The following LIFR variants were observed in gnomAD, a reference collection of about 807,000 sequenced individuals.
LIFR encodes LIF receptor subunit alpha.
In LIFR, 84 loss-of-function variants were observed where a neutral mutation model predicts 122.2. That is an observed-to-expected ratio of 0.69 (90% CI 0.58 to 0.82). The LOEUF (loss-of-function observed/expected upper bound fraction) is 0.82. Among genes scored for constraint, LIFR ranks in the 40% least tolerant of loss-of-function variants. The pLI, the probability that LIFR is intolerant of heterozygous loss-of-function variation, is 0.00. For missense variants in LIFR, 1,294 were observed against 1,311.6 expected, an observed-to-expected ratio of 0.99 and a Z score of 0.21; for synonymous variants, 422 against 434.7, an observed-to-expected ratio of 0.97 and a Z score of 0.36.
intron 6 of LIFR, among the ~76,000 whole-genome samples, chr5:38,511,087 C>A (rs899948523): frequency 6.6e-6 from 1 of 152,114 alleles, no homozygotes; most frequent in Non-Finnish European, 1.5e-5. Flanking sequence ...ACAATCCACA[C>A]CCCCCAAAAA....
In LIFR at chr5:38,506,529, A is replaced by C; in HGVS notation, c.1095T>G (p.Arg365=). 6.2e-7 allele frequency: 1 copy of C among 1,614,088 alleles called. No homozygotes were observed. Among genetic ancestry groups the C allele is most frequent in the Non-Finnish European group, 8.5e-7 (1 of 1,179,978 alleles). Residue 365 remains arginine (R), a synonymous_variant, in exon 8 of 20, where the codon CGT becomes CGG. Transcript: ENST00000453190. ...TTTCAACTAAAGTGTAGCTTGTAGCACGTGGGCCCACCAACGCTGTCACCC... is the reference window on the plus strand; with the variant it reads ...TTTCAACTAAAGTGTAGCTTGTAGCCCGTGGGCCCACCAACGCTGTCACCC... ...PGRVTALVGP[R]ATSYTLVESF... is the part of the protein sequence containing the mutation.
intron 1 of LIFR, among the ~76,000 whole-genome samples, chr5:38,563,149 C>T (rs1289300345): frequency 3.3e-5 from 5 of 152,118 alleles, no homozygotes; most frequent in Admixed American, 2.6e-4. Context: ...TTTTCTGTGA[C>T]ACGCCCAAGA....
intron 2 of LIFR, 110 bp from the exon 3 acceptor site, chr5:38,528,950 G>A: frequency 2.7e-6 from 2 of 733,386 alleles, no homozygotes; most frequent in East Asian, 2.7e-5. Flanking sequence ...TCAGTTGTAA[G>A]CACAAGCATG....
At chr5:38,556,697 G>T (rs1026315748), upstream of LIFR, 1 of 144,126 alleles carries the variant, frequency 6.9e-6, no homozygotes, top group Non-Finnish European at 1.5e-5. Flanking sequence ...GGCGCAGCGG[G>T]CCCGGCCCCG....
chr5:38,603,775 CT>C (rs1348910827), intron 2 of LIFR, among the ~76,000 whole-genome samples: 1 of 152,196 alleles, frequency 6.6e-6, no homozygotes, highest in Non-Finnish European at 1.5e-5. Context: ...TTGAATGTAA[CT>C]ATCCAAGGGT....
At chr5:38,545,557 A>G (rs886717444) in intron 1 of LIFR, among the ~76,000 whole-genome samples, 3 of 152,018 alleles carry the variant, frequency 2.0e-5, no homozygotes, top group Non-Finnish European at 4.4e-5. Context: ...AAAGCTACTT[A>G]TGTTTAAAAA....
chr5:38,533,245 A>G lies in LIFR; in HGVS notation c.-19-2579T>C, dbSNP rs993684174. Among the ~76,000 whole-genome samples the G allele has an allele frequency of 2.0e-5, 3 of 152,232 alleles. No homozygotes were observed. In the South Asian group the frequency reaches 6.2e-4, roughly 32 times the overall value. Reference sequence around the variant, plus strand: ...GACCAGTTTGTTTCCTATACTAATTATTTTAAAGGACTTAAAAAGTCAATA... The same window carrying G: ...GACCAGTTTGTTTCCTATACTAATTGTTTTAAAGGACTTAAAAAGTCAATA... On this transcript the variant is annotated intron_variant, in intron 1 of 19. Coordinates refer to ENST00000453190, the MANE Select transcript of LIFR (RefSeq NM_001127671.2).
chr5:38,540,373 A>T (rs1337383505), intron 1 of LIFR, among the ~76,000 whole-genome samples: 1 of 152,230 alleles, frequency 6.6e-6, no homozygotes, highest in Non-Finnish European at 1.5e-5. Context: ...TGGGGGAAAC[A>T]CCACCTGCTC....
At position 38,478,035 on chromosome 5, in the gene LIFR, ATTTTAC is replaced by A. The variant is rs1368928267; in HGVS notation, c.*3554_*3559del. ...TAAAAATATTGACACGTTAAGGAGT[ATTTTAC>A]TTTCAAAATACCATAAAATTGATTT... On this transcript the variant is annotated 3_prime_UTR_variant, in exon 20 of 20. Transcript: ENST00000453190. The A allele has an allele frequency of 4.8e-6, 1 of 209,710 alleles. No homozygotes were observed. The highest frequency in any genetic ancestry group is 9.7e-6 in the Non-Finnish European group (1 of 103,262). The allele number at this position is 209,710 out of a possible 1,614,324, so 13.0% of individuals were successfully genotyped here.
intron 1 of LIFR, among the ~76,000 whole-genome samples, chr5:38,574,687 C>T (rs150673659): frequency 4.7e-4 from 71 of 152,320 alleles, no homozygotes; most frequent in African/African-American, 1.7e-3. Flanking sequence ...CTACCCAGCA[C>T]TGCTGCCACT....
intron 1 of LIFR, among the ~76,000 whole-genome samples, chr5:38,577,839 A>G (rs1183949724): frequency 6.6e-6 from 1 of 152,238 alleles, no homozygotes; most frequent in African/African-American, 2.4e-5. Context: ...CAACATAGGC[A>G]TTTAAGCATG....
intron 19 of LIFR, 131 bp from the exon 20 acceptor site, chr5:38,482,349 C>G: frequency 1.2e-6 from 1 of 826,544 alleles, no homozygotes; most frequent in Non-Finnish European, 1.8e-6. Context: ...GTATTTCACA[C>G]AACAGCACAG....
chr5:38,571,067 T>C (rs1749192734), intron 1 of LIFR, among the ~76,000 whole-genome samples: 1 of 152,198 alleles, frequency 6.6e-6, no homozygotes, highest in South Asian at 2.1e-4. Context: ...ATCTGTAGAA[T>C]CTGTGTGTCT....
intron 3 of LIFR, among the ~76,000 whole-genome samples, chr5:38,527,905 T>A (rs1242691720): frequency 6.6e-6 from 1 of 152,214 alleles, no homozygotes; most frequent in Non-Finnish European, 1.5e-5. Context: ...CTTATACAAA[T>A]GTTTACTTTA....
intron 1 of LIFR, among the ~76,000 whole-genome samples, chr5:38,550,890 A>T (rs1462194694): frequency 6.6e-6 from 1 of 152,234 alleles, no homozygotes; most frequent in Admixed American, 6.5e-5. Context: ...GACCAGATGG[A>T]TCTGAAGGGC....
At chr5:38,555,876 A>C (rs955009062) in intron 1 of LIFR, among the ~76,000 whole-genome samples, 1 of 152,200 alleles carries the variant, frequency 6.6e-6, no homozygotes, top group Non-Finnish European at 1.5e-5. Context: ...GACCTCCAAC[A>C]CTTTAACTTT....
upstream of LIFR, among the ~76,000 whole-genome samples, chr5:38,560,479 T>C (rs1366884949): frequency 2.6e-5 from 4 of 152,230 alleles, no homozygotes; most frequent in African/African-American, 9.6e-5. Flanking sequence ...AAATTCTGTT[T>C]AGGATATTCT....
intron 1 of LIFR, among the ~76,000 whole-genome samples, chr5:38,553,260 A>T (rs1424089210): frequency 6.6e-6 from 1 of 151,510 alleles, no homozygotes; most frequent in Non-Finnish European, 1.5e-5. Context: ...CTCAGCTCAG[A>T]CCCCTCCACC....
chr5:38,540,871 G>C (rs1380421022), intron 1 of LIFR, among the ~76,000 whole-genome samples: 1 of 151,858 alleles, frequency 6.6e-6, no homozygotes, highest in Non-Finnish European at 1.5e-5. Context: ...AAATGTACTG[G>C]CATTAAAAAA....
Sources: gnomAD v4.1 joint callset for allele counts (sites outside exome capture counted in the v4.1 genomes callset) on GRCh38, gnomAD v4.1.1 for gene constraint, MANE v1.5 for transcripts, NCBI Gene and HGNC (gene_info 2026-07-23, HGNC 2026-07-21) for gene names.